The following KRABD1 variants were observed in gnomAD, a reference collection of about 807,000 sequenced individuals.
KRABD1 encodes KRAB domain-containing protein 1.
At chr3:42,941,089 C>T in the KRABD1 span, 4 of 683,232 alleles carry the variant, frequency 5.9e-6, no homozygotes, top group African/African-American at 7.3e-5. Context: ...AAATTTTACA[C>T]AAAAACTCTG....
At chr3:42,938,562 T>C in the KRABD1 span, 1 of 238,776 alleles carries the variant, frequency 4.2e-6, no homozygotes, top group Non-Finnish European at 8.5e-6. Context: ...CTCTGTCCAC[T>C]GTCTACCTTA....
At chr3:42,936,462 G>A in the KRABD1 span, 1 of 152,256 alleles carries the variant, frequency 6.6e-6, no homozygotes, top group Non-Finnish European at 1.5e-5. Context: ...CACGGTGAGC[G>A]GGTCTGAGGA....
chr3:42,939,682 C>T, the KRABD1 span, among the ~76,000 whole-genome samples: 11 of 152,076 alleles, frequency 7.2e-5, no homozygotes, highest in South Asian at 2.1e-4. Flanking sequence ...TTCTGTCAGC[C>T]GTGTACAGTT....
At chr3:42,936,458 G>C in the KRABD1 span, 1 of 152,268 alleles carries the variant, frequency 6.6e-6, no homozygotes. Flanking sequence ...AGCCCACGGT[G>C]AGCGGGTCTG....
At chr3:42,941,673 C>A in the KRABD1 span, among the ~76,000 whole-genome samples, 1 of 152,010 alleles carries the variant, frequency 6.6e-6, no homozygotes, top group African/African-American at 2.4e-5. Context: ...AGCCATTTGT[C>A]TTTTTCCCAT....
At chr3:42,938,969 G>GTT in the KRABD1 span, 1 of 1,473,288 alleles carries the variant, frequency 6.8e-7, no homozygotes, top group Non-Finnish European at 9.1e-7. Context: ...ATATCCCTGT[G>GTT]TGTATATACA....
the KRABD1 span, chr3:42,941,149 T>G: frequency 7.1e-7 from 1 of 1,411,722 alleles, no homozygotes; most frequent in South Asian, 1.4e-5. Context: ...GTAGATGCCC[T>G]TCTCAGGTCT....
chr3:42,942,591 A>G, the KRABD1 span: 1 of 1,453,338 alleles, frequency 6.9e-7, no homozygotes, highest in African/African-American at 1.4e-5. Flanking sequence ...GTTACGTAGA[A>G]TAGTATCAAA....
chr3:42,940,482 A>T, the KRABD1 span, among the ~76,000 whole-genome samples: 1 of 152,238 alleles, frequency 6.6e-6, no homozygotes, highest in South Asian at 2.1e-4. Context: ...CACTTGGCTC[A>T]TAGGTTCCCT....
At chr3:42,941,294 C>A in the KRABD1 span, 3 of 1,598,116 alleles carry the variant, frequency 1.9e-6, no homozygotes, top group South Asian at 2.2e-5. Flanking sequence ...TGGTGCCTGC[C>A]GAGAGGGCCT....
chr3:42,940,221 T>TG, the KRABD1 span, among the ~76,000 whole-genome samples: 1 of 152,238 alleles, frequency 6.6e-6, no homozygotes, highest in Non-Finnish European at 1.5e-5. Flanking sequence ...GATTATGTAT[T>TG]GAAAAATCTG....
the KRABD1 span, chr3:42,942,176 C>A: frequency 1.0e-5 from 8 of 774,028 alleles, no homozygotes; most frequent in South Asian, 1.2e-4. Flanking sequence ...ATGGAGTACA[C>A]TGGGATCCTC....
At chr3:42,939,011 T>C in the KRABD1 span, 2 of 1,030,946 alleles carry the variant, frequency 1.9e-6, no homozygotes, top group Non-Finnish European at 2.8e-6. Context: ...CATAAAAATA[T>C]CTATATTACA....
At chr3:42,942,190 C>A in the KRABD1 span, 1 of 711,742 alleles carries the variant, frequency 1.4e-6, no homozygotes, top group Non-Finnish European at 2.4e-6. Context: ...GATCCTCGAT[C>A]ACATTTTTTC....
At chr3:42,938,935 A>G in the KRABD1 span, 1 of 1,530,816 alleles carries the variant, frequency 6.5e-7, no homozygotes, top group Non-Finnish European at 8.8e-7. Context: ...GCCCCAGGTG[A>G]GCTGTTTTTT....
At chr3:42,942,619 A>T in the KRABD1 span, 1 of 1,418,174 alleles carries the variant, frequency 7.1e-7, no homozygotes, top group Non-Finnish European at 9.4e-7. Context: ...CGAAATCGTC[A>T]ATGCTGGGAA....
At chr3:42,938,725 GATA>G in the KRABD1 span, 4 of 457,766 alleles carry the variant, frequency 8.7e-6, no homozygotes, top group South Asian at 4.8e-5. Context: ...TTGTGAGATT[GATA>G]ATAAGCAATA....
chr3:42,939,031 A>T, the KRABD1 span: 23 of 844,030 alleles, frequency 2.7e-5, no homozygotes, highest in East Asian at 5.7e-4. Flanking sequence ...ACATTTACAT[A>T]TATATAACAT....
the KRABD1 span, among the ~76,000 whole-genome samples, chr3:42,940,778 G>T: frequency 6.6e-6 from 1 of 152,164 alleles, no homozygotes. Context: ...CAAGAACGAA[G>T]GATTAGAATG....
Sources: allele counts gnomAD v4.1 joint callset (sites outside exome capture counted in the v4.1 genomes callset), GRCh38; gene constraint gnomAD v4.1.1; transcripts MANE v1.5; gene names NCBI Gene and HGNC (gene_info 2026-07-23, HGNC 2026-07-21).